Variants in TLK1 observed in about 807,000 individuals in gnomAD.
TLK1 encodes serine/threonine-protein kinase tousled-like 1.
TLK1 carries 24 observed loss-of-function variants against 105.3 expected under a neutral mutation model. The ratio of observed to expected loss-of-function variants is 0.23; its 90% CI spans 0.17 to 0.32. The LOEUF is 0.32. Ranked by LOEUF, TLK1 falls within the 10% of genes least tolerant of loss-of-function variation. The probability of loss-of-function intolerance (pLI) is 1.00; values close to 1 mark genes in which losing one functional copy is unlikely to be tolerated. For synonymous variants in TLK1, 321 were observed against 310.4 expected, an observed-to-expected ratio of 1.03 and a Z score of -0.36; for missense variants, 558 against 910.5, an observed-to-expected ratio of 0.61 and a Z score of 4.98.
At chr2:171,171,897 A>G (rs1379292475) in intron 1 of TLK1, among the ~76,000 whole-genome samples, 1 of 152,200 alleles carries the variant, frequency 6.6e-6, no homozygotes, top group Non-Finnish European at 1.5e-5. Context: ...CATATCTGTG[A>G]TCCATCAATT....
chr2:171,210,319 C>T (rs1275041231), intron 1 of TLK1, among the ~76,000 whole-genome samples: 2 of 151,108 alleles, frequency 1.3e-5, no homozygotes, highest in South Asian at 2.1e-4. Context: ...ACTATGTTGC[C>T]TAGGCTAGAA....
chr2:171,069,767 T>C (rs1688169398), intron 3 of TLK1, among the ~76,000 whole-genome samples: 1 of 152,248 alleles, frequency 6.6e-6, no homozygotes, highest in African/African-American at 2.4e-5. Context: ...GACATCTCAC[T>C]GGATGATTTA....
At chr2:171,061,273 A>AT in intron 3 of TLK1, 117 bp from the exon 4 acceptor site, 1 of 773,076 alleles carries the variant, frequency 1.3e-6, no homozygotes, top group Non-Finnish European at 2.1e-6. Flanking sequence ...TGCTCAAGAG[A>AT]TGTTAATATA....
intron 1 of TLK1, among the ~76,000 whole-genome samples, chr2:171,125,751 G>A (rs1690842703): frequency 6.6e-6 from 1 of 152,146 alleles, no homozygotes; most frequent in African/African-American, 2.4e-5. Context: ...GGTTTTGGGG[G>A]AACAGGTAGT....
At chr2:171,037,184 GTAATCCAAGCACTTTGGGA>G (rs1291849193) in intron 11 of TLK1, among the ~76,000 whole-genome samples, 60 of 152,254 alleles carry the variant, frequency 3.9e-4, no homozygotes, top group Admixed American at 1.3e-3. Context: ...GCTCACGCTT[GTAATCCAAGCACTTTGGGA>G]GGCTGAGGTG....
intron 1 of TLK1, among the ~76,000 whole-genome samples, chr2:171,228,466 G>A (rs1304261819): frequency 6.6e-6 from 1 of 152,130 alleles, no homozygotes; most frequent in Non-Finnish European, 1.5e-5. Flanking sequence ...TGGGAGGACT[G>A]CTTGAGCCCA....
At chr2:171,141,940 T>C (rs896828406) in intron 1 of TLK1, among the ~76,000 whole-genome samples, 1 of 152,080 alleles carries the variant, frequency 6.6e-6, no homozygotes, top group Non-Finnish European at 1.5e-5. Flanking sequence ...AATAAAACAC[T>C]AATGGTAATA....
chr2:171,203,440 A>T (rs1416744297), intron 1 of TLK1, among the ~76,000 whole-genome samples: 1 of 152,128 alleles, frequency 6.6e-6, no homozygotes, highest in Non-Finnish European at 1.5e-5. Flanking sequence ...GTGGAATAAC[A>T]TTGTATTTGT....
chr2:171,060,966 A>G, intron 4 of TLK1, 115 bp downstream of exon 4: 3 of 1,027,440 alleles, frequency 2.9e-6, no homozygotes, highest in Non-Finnish European at 4.3e-6. Context: ...ACCTGTGCAC[A>G]CACCAAAATT....
intron 2 of TLK1, among the ~76,000 whole-genome samples, chr2:171,097,860 G>A (rs1159170124): frequency 6.6e-6 from 1 of 152,078 alleles, no homozygotes; most frequent in Non-Finnish European, 1.5e-5. Flanking sequence ...GGGAGGCGGA[G>A]GCTGCAGTGA....
intron 1 of TLK1, among the ~76,000 whole-genome samples, chr2:171,195,501 CAAAAA>C (rs55835853): frequency 6.0e-5 from 4 of 66,304 alleles, no homozygotes; most frequent in Non-Finnish European, 6.2e-5. Flanking sequence ...GACTCTGTCT[CAAAAA>C]AAAAAAAAAA....
intron 1 of TLK1, among the ~76,000 whole-genome samples, chr2:171,208,832 A>T (rs755784566): frequency 3.3e-5 from 5 of 152,252 alleles, no homozygotes; most frequent in African/African-American, 7.2e-5. Flanking sequence ...GCATTTTAGC[A>T]GTGTCTATCA....
chr2:171,001,969 C>CG (rs1684398555), intron 18 of TLK1, among the ~76,000 whole-genome samples: 1 of 151,978 alleles, frequency 6.6e-6, no homozygotes, highest in African/African-American at 2.4e-5. Flanking sequence ...TTGATAGAGA[C>CG]GGGGTTTCAC....
chr2:171,059,333 T>G (rs960277686), intron 4 of TLK1, among the ~76,000 whole-genome samples: 2 of 152,170 alleles, frequency 1.3e-5, no homozygotes, highest in African/African-American at 4.8e-5. Flanking sequence ...AATGGAAATT[T>G]TGTTCTGTTA....
chr2:171,127,960 G>A (rs1690940491), intron 1 of TLK1, among the ~76,000 whole-genome samples: 2 of 152,050 alleles, frequency 1.3e-5, no homozygotes, highest in African/African-American at 4.8e-5. Flanking sequence ...ACAACAGTAA[G>A]TATAGAAAGT....
chr2:171,100,942 G>C (rs1689663764), intron 2 of TLK1, among the ~76,000 whole-genome samples: 1 of 152,082 alleles, frequency 6.6e-6, no homozygotes, highest in Non-Finnish European at 1.5e-5. Context: ...ACTCACAAAA[G>C]AACAAACAAA....
chr2:171,148,911 A>ATATG, intron 1 of TLK1, among the ~76,000 whole-genome samples: 1 of 134,240 alleles, frequency 7.4e-6, no homozygotes, highest in Admixed American at 7.5e-5. Flanking sequence ...ATATATATAT[A>ATATG]TGTGTGTGTG....
chr2:171,010,354 T>C (rs1684855238), intron 14 of TLK1, among the ~76,000 whole-genome samples: 1 of 152,008 alleles, frequency 6.6e-6, no homozygotes, highest in South Asian at 2.1e-4. Flanking sequence ...TAAAAGACAT[T>C]TTAGAGGAGA....
At chr2:171,129,192 C>T (rs1300498750) in intron 1 of TLK1, among the ~76,000 whole-genome samples, 1 of 152,104 alleles carries the variant, frequency 6.6e-6, no homozygotes, top group Non-Finnish European at 1.5e-5. Context: ...TGGTTTCATC[C>T]CTTTCCCTCA....
Sources: allele counts gnomAD v4.1 joint callset (sites outside exome capture counted in the v4.1 genomes callset), GRCh38; gene constraint gnomAD v4.1.1; transcripts MANE v1.5; gene names NCBI Gene and HGNC (gene_info 2026-07-23, HGNC 2026-07-21).